TTC12: variants seen among roughly 807,000 people sequenced by gnomAD.
The protein encoded by TTC12 is tetratricopeptide repeat domain 12.
A neutral mutation model predicts 90.1 loss-of-function variants in TTC12; 70 were observed. The ratio of observed to expected loss-of-function variants is 0.78; its 90% CI spans 0.64 to 0.95. TTC12 has a LOEUF of 0.95. Ranked by LOEUF, TTC12 falls within the 40% of genes least tolerant of loss-of-function variation. TTC12 has a pLI of 0.00. For missense variants in TTC12, 819 were observed against 846.1 expected, an observed-to-expected ratio of 0.97 and a Z score of 0.40; for synonymous variants, 296 against 311.5, an observed-to-expected ratio of 0.95 and a Z score of 0.53.
intron 16 of TTC12, among the ~76,000 whole-genome samples, chr11:113,355,846 G>C (rs949146100): frequency 1.3e-5 from 2 of 152,100 alleles, no homozygotes; most frequent in Non-Finnish European, 2.9e-5. Context: ...ATTTGCTAAG[G>C]ACTATTTTAC....
downstream of TTC12, chr11:113,368,317 C>G: frequency 6.5e-7 from 1 of 1,544,468 alleles, no homozygotes; most frequent in Non-Finnish European, 8.7e-7. Flanking sequence ...TCCACCCCCG[C>G]CACCGCCCCA....
intron 2 of TTC12, among the ~76,000 whole-genome samples, chr11:113,321,022 G>A (rs1947291915): frequency 6.6e-6 from 1 of 151,672 alleles, no homozygotes; most frequent in East Asian, 1.9e-4. Flanking sequence ...AAAAAAAAAA[G>A]AATTTTTTAA....
At chr11:113,323,873 T>C in intron 3 of TTC12, 121 bp from the exon 4 acceptor site, 1 of 742,200 alleles carries the variant, frequency 1.3e-6, no homozygotes, top group Non-Finnish European at 2.2e-6. Flanking sequence ...CCTTCAGTTT[T>C]GATGGTTAAA....
chr11:113,341,983 T>A, intron 12 of TTC12, 58 bp downstream of exon 12: 1 of 1,455,094 alleles, frequency 6.9e-7, no homozygotes, highest in South Asian at 1.1e-5. Context: ...GGAACTACGC[T>A]GTTGGGTGGA....
At chr11:113,320,344 G>A (rs1947231776) in intron 2 of TTC12, among the ~76,000 whole-genome samples, 1 of 152,160 alleles carries the variant, frequency 6.6e-6, no homozygotes, top group African/African-American at 2.4e-5. Flanking sequence ...TCCAGAAGCA[G>A]ACGAGCAGGT....
At chr11:113,341,312 A>G (rs1033545235) in intron 11 of TTC12, among the ~76,000 whole-genome samples, 1 of 152,186 alleles carries the variant, frequency 6.6e-6, no homozygotes, top group Admixed American at 6.5e-5. Flanking sequence ...AGAAATGATC[A>G]TTCTTGCTGC....
chr11:113,366,235 C>T lies in TTC12; in HGVS notation c.2053C>T (p.Gln685Ter). 6.2e-7 allele frequency: 1 copy of T among 1,613,372 alleles called. No homozygotes were observed. Among genetic ancestry groups the T allele is most frequent in the Non-Finnish European group, 8.5e-7 (1 of 1,180,026 alleles). Residue 685 changes from glutamine to a stop codon, truncating the protein, a stop_gained, in exon 22 of 22, where the codon CAA becomes TAA. Coordinates refer to ENST00000529221, the MANE Select transcript of TTC12 (RefSeq NM_017868.4). LOFTEE classifies it high-confidence loss of function. ...LCTAEPRFAAQLRKLHGLEIL... is the reference protein window; with the variant it reads ...LCTAEPRFAA ...TTTTGATTGTGACAGATTTGCTGCT[C>T]AACTGAGAAAGCTTCATGGCCTAGA... is the stretch of plus-strand genomic sequence containing the variant.
downstream of TTC12, among the ~76,000 whole-genome samples, chr11:113,369,916 G>A (rs949399871): frequency 3.3e-5 from 5 of 152,068 alleles, no homozygotes; most frequent in African/African-American, 9.7e-5. Context: ...TTGGTCCTCC[G>A]TCTCACTGAA....
chr11:113,352,334 C>G lies in TTC12; in HGVS notation c.1446+127C>G, dbSNP rs1201661983. The G allele has an allele frequency of 4.3e-6, 5 of 1,165,990 alleles. No homozygotes were observed. The East Asian group carries it at 1.0e-4, about 24-fold the overall frequency. The allele number at this position is 1,165,990 out of a possible 1,614,324, so 72.2% of individuals were successfully genotyped here. On this transcript the variant is annotated intron_variant, in intron 16 of 21. Transcript: ENST00000529221. ...TTGGATGGCGCCAGTTGGCTTATCCCTTCTGTAACCACGGATTTTATGCAC... is the reference window on the plus strand; with the variant it reads ...TTGGATGGCGCCAGTTGGCTTATCCGTTCTGTAACCACGGATTTTATGCAC...
At chr11:113,329,699 G>T in intron 6 of TTC12, 1 of 616,154 alleles carries the variant, frequency 1.6e-6, no homozygotes, top group Non-Finnish European at 3.0e-6. Flanking sequence ...TCCCTTGTCA[G>T]GTTCCCTAAG....
intron 6 of TTC12, among the ~76,000 whole-genome samples, chr11:113,328,763 TTCAACTG>T (rs1478022891): frequency 6.6e-6 from 1 of 152,194 alleles, no homozygotes; most frequent in African/African-American, 2.4e-5. Flanking sequence ...AAGCTCCATC[TTCAACTG>T]TCAACTCCCC....
chr11:113,337,029 C>T (rs1948407853), intron 8 of TTC12, among the ~76,000 whole-genome samples: 1 of 152,198 alleles, frequency 6.6e-6, no homozygotes, highest in Non-Finnish European at 1.5e-5. Flanking sequence ...TAAATTGCTT[C>T]ATATTGTACA....
At chr11:113,324,131 A>G in intron 4 of TTC12, 116 bp downstream of exon 4, 1 of 779,792 alleles carries the variant, frequency 1.3e-6, no homozygotes, top group Non-Finnish European at 2.1e-6. Context: ...ACCTGTGAAC[A>G]AAAACCTACT....
At chr11:113,364,189 C>A (rs1270319434) in intron 20 of TTC12, among the ~76,000 whole-genome samples, 1 of 152,214 alleles carries the variant, frequency 6.6e-6, no homozygotes, top group Non-Finnish European at 1.5e-5. Flanking sequence ...TAGGAAACTC[C>A]CTCCTCTCAC....
chr11:113,326,905 A>G (rs973272625), intron 6 of TTC12, among the ~76,000 whole-genome samples: 3 of 152,204 alleles, frequency 2.0e-5, no homozygotes, highest in South Asian at 2.1e-4. Flanking sequence ...TAAAAGCACA[A>G]TAAGTCCAAT....
At chr11:113,351,166 T>C in intron 14 of TTC12, 73 bp from the exon 15 acceptor site, 1 of 1,398,864 alleles carries the variant, frequency 7.1e-7, no homozygotes, top group Non-Finnish European at 1.0e-6. Flanking sequence ...CAACATTAAC[T>C]ATCTGAGACA....
intron 6 of TTC12, among the ~76,000 whole-genome samples, chr11:113,326,117 A>G (rs1947680672): frequency 6.6e-6 from 1 of 152,158 alleles, no homozygotes; most frequent in Non-Finnish European, 1.5e-5. Flanking sequence ...ATTCTGCGAC[A>G]GGGATAAAGT....
At chr11:113,327,458 C>A (rs782502612) in intron 6 of TTC12, among the ~76,000 whole-genome samples, 10 of 152,164 alleles carry the variant, frequency 6.6e-5, no homozygotes, top group Non-Finnish European at 1.3e-4. Flanking sequence ...GAGAGAAAAC[C>A]TAACCTTTCA....
At chr11:113,334,707 T>C (rs1342587214) in intron 7 of TTC12, among the ~76,000 whole-genome samples, 5 of 151,908 alleles carry the variant, frequency 3.3e-5, no homozygotes. Context: ...GAGGGTTTGC[T>C]TCCTGATTGC....
Sources: gnomAD v4.1 joint callset for allele counts (sites outside exome capture counted in the v4.1 genomes callset) on GRCh38, gnomAD v4.1.1 for gene constraint, MANE v1.5 for transcripts, NCBI Gene and HGNC (gene_info 2026-07-23, HGNC 2026-07-21) for gene names.